The following GSE1 variants were observed in gnomAD, a reference collection of about 807,000 sequenced individuals.
The protein encoded by GSE1 is genetic suppressor element 1.
Under a neutral mutation model 112.6 loss-of-function variants are expected in GSE1, and 32 were observed. That is an observed-to-expected ratio of 0.28 (90% CI 0.21 to 0.38). The LOEUF is 0.38. Ranked by LOEUF, GSE1 falls within the 10% of genes least tolerant of loss-of-function variation. GSE1 has a pLI of 1.00. For synonymous variants in GSE1, 1,115 were observed against 735.6 expected (o/e 1.52, Z -8.35); for missense variants, 2,348 against 1,699.2 (o/e 1.38, Z -6.71).
chr16:85,558,305 C>G (rs771366244), intron 1 of GSE1, among the ~76,000 whole-genome samples: 1 of 152,230 alleles, frequency 6.6e-6, no homozygotes, highest in South Asian at 2.1e-4. Flanking sequence ...TGTGCCTCCC[C>G]GGCAGCTATG....
At chr16:85,387,411 C>T (rs1430747715) in intron 2 of GSE1, among the ~76,000 whole-genome samples, 1 of 152,258 alleles carries the variant, frequency 6.6e-6, no homozygotes, top group Non-Finnish European at 1.5e-5. Flanking sequence ...GGCTCCTGCT[C>T]TGTGGTCCTG....
chr16:85,365,414 G>T (rs1032650658), intron 2 of GSE1, among the ~76,000 whole-genome samples: 2 of 152,198 alleles, frequency 1.3e-5, no homozygotes, highest in African/African-American at 4.8e-5. Flanking sequence ...GTGGACAAAG[G>T]GGCAGCTGGT....
intron 2 of GSE1, among the ~76,000 whole-genome samples, chr16:85,387,761 G>A (rs190204380): frequency 9.5e-4 from 145 of 152,384 alleles, no homozygotes; most frequent in Non-Finnish European, 1.6e-3. Context: ...ACACATTAGT[G>A]ATAGTGCTTT....
intron 2 of GSE1, among the ~76,000 whole-genome samples, chr16:85,538,202 G>C (rs1250832089): frequency 1.3e-5 from 2 of 152,222 alleles, no homozygotes; most frequent in East Asian, 3.8e-4. Context: ...TGGCCGCCCG[G>C]CTGGCCCGCC....
At chr16:85,334,443 C>T (rs1487120922) in intron 1 of GSE1, among the ~76,000 whole-genome samples, 2 of 152,228 alleles carry the variant, frequency 1.3e-5, no homozygotes, top group Admixed American at 6.5e-5. Flanking sequence ...CCCTTCTGGC[C>T]CCCTCCAGCC....
intron 1 of GSE1, among the ~76,000 whole-genome samples, chr16:85,242,817 A>T (rs141517503): frequency 0.02 from 3,042 of 152,158 alleles, 117 homozygotes; most frequent in African/African-American, 0.068. Flanking sequence ...TAAATTAATT[A>T]ATTTATTTAT....
chr16:85,261,378 G>A (rs1411911462), intron 1 of GSE1, among the ~76,000 whole-genome samples: 1 of 152,258 alleles, frequency 6.6e-6, no homozygotes. Flanking sequence ...TGCTGACTCA[G>A]TGAATTTCAC....
intron 2 of GSE1, among the ~76,000 whole-genome samples, chr16:85,536,062 C>T (rs1027519881): frequency 1.3e-5 from 2 of 152,234 alleles, no homozygotes; most frequent in African/African-American, 4.8e-5. Context: ...AAAGCAGACC[C>T]AGAAGGCCAC....
At chr16:85,421,026 A>T (rs2048831112) in intron 2 of GSE1, among the ~76,000 whole-genome samples, 1 of 152,208 alleles carries the variant, frequency 6.6e-6, no homozygotes, top group South Asian at 2.1e-4. Context: ...CCTCTGTAAA[A>T]TGGGAATCAT....
At chr16:85,574,024 G>A (rs1245345569) in intron 1 of GSE1, among the ~76,000 whole-genome samples, 1 of 152,202 alleles carries the variant, frequency 6.6e-6, no homozygotes, top group African/African-American at 2.4e-5. Flanking sequence ...AGCCCCCGCG[G>A]GGACTGGCTT....
At chr16:85,613,515 C>G (rs952451343) in intron 1 of GSE1, 117 bp downstream of exon 1, 12 of 946,624 alleles carry the variant, frequency 1.3e-5, no homozygotes, top group Non-Finnish European at 1.9e-5. Context: ...GGGCAACTTC[C>G]CCGGAGTGTT....
intron 2 of GSE1, among the ~76,000 whole-genome samples, chr16:85,465,740 A>G (rs2050104944): frequency 6.6e-6 from 1 of 151,854 alleles, no homozygotes; most frequent in South Asian, 2.1e-4. Context: ...ATTTGTACCT[A>G]TTTTCTCTCC....
intron 2 of GSE1, among the ~76,000 whole-genome samples, chr16:85,434,716 G>T (rs943414122): frequency 6.6e-6 from 1 of 152,240 alleles, no homozygotes; most frequent in Non-Finnish European, 1.5e-5. Context: ...TACCGGGGAG[G>T]CTGAGGCAGG....
intron 3 of GSE1, among the ~76,000 whole-genome samples, chr16:85,650,903 C>G (rs2051282577): frequency 2.0e-5 from 3 of 152,060 alleles, no homozygotes; most frequent in Admixed American, 2.0e-4. Flanking sequence ...CCCTCTCTCC[C>G]AGGTGTAGTG....
intron 1 of GSE1, among the ~76,000 whole-genome samples, chr16:85,199,174 C>G (rs975348411): frequency 6.6e-6 from 1 of 152,112 alleles, no homozygotes; most frequent in Non-Finnish European, 1.5e-5. Context: ...CCAGGCTTGT[C>G]TCAACCTCCT....
intron 2 of GSE1, among the ~76,000 whole-genome samples, chr16:85,491,580 G>A (rs534259097): frequency 5.9e-5 from 9 of 152,274 alleles, no homozygotes; most frequent in Non-Finnish European, 1.0e-4. Flanking sequence ...CAAGGAGGGC[G>A]AGACGGCTGT....
At position 85,656,595 on chromosome 16, in the gene GSE1, G is replaced by C. The variant is rs1353123616; in HGVS notation, c.1242G>C (p.Leu414=). ...CCAGCTTCCTGCCCGTGGCCGAGCT[G>C]CATGGGCTGCGTGGCCATGCCACTG... is the stretch of plus-strand genomic sequence containing the variant. ...LEPSFLPVAE[L]HGLRGHATEE... is the part of the protein sequence containing the mutation. The change falls in exon 7 of 16, where the codon CTG becomes CTC. Residue 414 remains leucine, a synonymous_variant. Coordinates refer to ENST00000253458, the MANE Select transcript of GSE1 (RefSeq NM_014615.5). The C allele has an allele frequency of 1.9e-6, 3 of 1,546,684 alleles. No homozygotes were observed. The highest frequency in any genetic ancestry group is 2.6e-6 in the Non-Finnish European group (3 of 1,145,420).
intron 2 of GSE1, among the ~76,000 whole-genome samples, chr16:85,410,055 T>C (rs868493085): frequency 1.6e-4 from 4 of 25,664 alleles, no homozygotes; most frequent in Non-Finnish European, 1.8e-4. Flanking sequence ...TAATCCTCAC[T>C]GTTACACTCA....
intron 1 of GSE1, among the ~76,000 whole-genome samples, chr16:85,565,484 G>A (rs915597084): frequency 6.6e-6 from 1 of 151,832 alleles, no homozygotes; most frequent in Admixed American, 6.6e-5. Flanking sequence ...CCAGGCACAG[G>A]GAGATGCCCC....
Sources: gnomAD v4.1 joint callset for allele counts (sites outside exome capture counted in the v4.1 genomes callset) on GRCh38, gnomAD v4.1.1 for gene constraint, MANE v1.5 for transcripts, NCBI Gene and HGNC (gene_info 2026-07-23, HGNC 2026-07-21) for gene names.